Variants in EHBP1 observed in about 807,000 individuals in gnomAD.
EHBP1 encodes the protein EH domain-binding protein 1.
A neutral mutation model predicts 144.0 loss-of-function variants in EHBP1; 55 were observed. The ratio of observed to expected loss-of-function variants is 0.38; its 90% CI spans 0.31 to 0.48. The LOEUF (loss-of-function observed/expected upper bound fraction) is 0.48. EHBP1 is among the 20% of genes least tolerant of loss of function. The probability of loss-of-function intolerance (pLI) is 0.98; values close to 1 mark genes in which losing one functional copy is unlikely to be tolerated. For synonymous variants in EHBP1, 469 were observed against 472.7 expected (o/e 0.99, Z 0.10); for missense variants, 1,200 against 1,364.2 (o/e 0.88, Z 1.90).
intron 2 of EHBP1, among the ~76,000 whole-genome samples, chr2:62,714,670 A>G (rs770831467): frequency 3.9e-5 from 6 of 152,184 alleles, no homozygotes; most frequent in African/African-American, 7.2e-5. Context: ...CATTGTTGTT[A>G]TTATTTTTTA....
intron 13 of EHBP1, among the ~76,000 whole-genome samples, chr2:62,950,575 G>A (rs1378129620): frequency 2.6e-5 from 4 of 152,194 alleles, no homozygotes; most frequent in Admixed American, 6.5e-5. Flanking sequence ...TATCAAAAAT[G>A]ACAAATATCA....
upstream of EHBP1, among the ~76,000 whole-genome samples, chr2:62,705,500 T>A (rs527355505): frequency 3.5e-3 from 524 of 151,778 alleles, 3 homozygotes; most frequent in East Asian, 0.021. Flanking sequence ...CTTTTTTTTT[T>A]TAAAAAAAAG....
intron 5 of EHBP1, among the ~76,000 whole-genome samples, chr2:62,817,602 C>T (rs1344646567): frequency 1.3e-5 from 2 of 152,150 alleles, no homozygotes; most frequent in Non-Finnish European, 2.9e-5. Flanking sequence ...GGAATGAGAT[C>T]ATCTGGCTTT....
intron 2 of EHBP1, among the ~76,000 whole-genome samples, chr2:62,728,606 G>A (rs1176603049): frequency 1.3e-5 from 2 of 151,484 alleles, no homozygotes; most frequent in East Asian, 3.9e-4. Flanking sequence ...TCCTTTTAGT[G>A]TTGTAAGAAT....
chr2:62,740,665 C>CT (rs976423075), intron 2 of EHBP1, among the ~76,000 whole-genome samples: 1 of 152,016 alleles, frequency 6.6e-6, no homozygotes, highest in Non-Finnish European at 1.5e-5. Flanking sequence ...GTTTTGAGCT[C>CT]TTTTTTTCTT....
chr2:62,909,307 C>T (rs772452719), intron 10 of EHBP1, among the ~76,000 whole-genome samples: 2 of 152,016 alleles, frequency 1.3e-5, no homozygotes, highest in Admixed American at 6.6e-5. Flanking sequence ...CTCAGCCTCC[C>T]GAGTAGCTGG....
intron 10 of EHBP1, among the ~76,000 whole-genome samples, chr2:62,887,657 T>A (rs1490357240): frequency 2.6e-5 from 4 of 151,968 alleles, no homozygotes; most frequent in Admixed American, 6.5e-5. Flanking sequence ...GGAGGATTGC[T>A]TGAGCCCAGG....
At chr2:62,823,734 G>A (rs919148097) in intron 5 of EHBP1, among the ~76,000 whole-genome samples, 4 of 152,024 alleles carry the variant, frequency 2.6e-5, no homozygotes, top group African/African-American at 7.2e-5. Context: ...ATTTTAAGGA[G>A]AGAACAATGT....
chr2:62,810,922 G>A (rs1207257343), intron 5 of EHBP1, among the ~76,000 whole-genome samples: 3 of 152,164 alleles, frequency 2.0e-5, no homozygotes, highest in Admixed American at 1.3e-4. Context: ...TAGTCAACTG[G>A]AGGTTAGGGT....
intron 5 of EHBP1, among the ~76,000 whole-genome samples, chr2:62,786,375 A>G (rs1327437966): frequency 1.3e-5 from 2 of 152,154 alleles, no homozygotes; most frequent in African/African-American, 4.8e-5. Context: ...TGTAAGTTGC[A>G]TCACCTTCTT....
intron 9 of EHBP1, among the ~76,000 whole-genome samples, chr2:62,873,190 A>C (rs2050622638): frequency 6.6e-6 from 1 of 152,216 alleles, no homozygotes; most frequent in South Asian, 2.1e-4. Flanking sequence ...TAAGAGAAAG[A>C]GTCAGGAGAC....
chr2:62,754,734 C>T (rs4671450), intron 3 of EHBP1, among the ~76,000 whole-genome samples: 3 of 152,002 alleles, frequency 2.0e-5, no homozygotes, highest in African/African-American at 7.3e-5. Flanking sequence ...GTTCAATCTC[C>T]GACTGCTGTA....
intron 10 of EHBP1, among the ~76,000 whole-genome samples, chr2:62,908,067 A>G (rs2053937969): frequency 6.6e-6 from 1 of 152,206 alleles, no homozygotes; most frequent in Non-Finnish European, 1.5e-5. Context: ...AATTTAACCA[A>G]TGAAGCCATG....
At chr2:62,857,413 G>A (rs1573743055) in intron 7 of EHBP1, among the ~76,000 whole-genome samples, 1 of 152,266 alleles carries the variant, frequency 6.6e-6, no homozygotes, top group East Asian at 1.9e-4. Context: ...TACATGAATA[G>A]TTGCAGGCAG....
chr2:62,837,182 A>G (rs940493913), intron 7 of EHBP1, among the ~76,000 whole-genome samples: 1 of 148,560 alleles, frequency 6.7e-6, no homozygotes. Context: ...GGGGGCCAAT[A>G]TTCAATATTC....
At chr2:62,830,492 A>G (rs963306759) in intron 6 of EHBP1, among the ~76,000 whole-genome samples, 47 of 151,880 alleles carry the variant, frequency 3.1e-4, no homozygotes, top group African/African-American at 1.0e-3. Flanking sequence ...TGATGGGACT[A>G]TTTCATTTTT....
intron 7 of EHBP1, among the ~76,000 whole-genome samples, chr2:62,841,337 T>G: frequency 5.8e-5 from 5 of 86,856 alleles, no homozygotes; most frequent in South Asian, 4.2e-4. Flanking sequence ...CTGGGGACTG[T>G]GGTGGGGTGG....
At chr2:62,867,762 G>A (rs2050156603) in intron 9 of EHBP1, among the ~76,000 whole-genome samples, 1 of 152,062 alleles carries the variant, frequency 6.6e-6, no homozygotes, top group Admixed American at 6.5e-5. Context: ...AAACAACTTT[G>A]AAAAAGAGCA....
In EHBP1 at chr2:62,955,661, G is replaced by T; in HGVS notation, c.2460+1G>T. 6.2e-7 allele frequency: 1 copy of T among 1,607,022 alleles called. No individual in the cohort carries two copies. Among genetic ancestry groups the T allele is most frequent in the Non-Finnish European group, 8.5e-7 (1 of 1,177,096 alleles). On this transcript the variant is annotated splice_donor_variant, in intron 14 of 22. Transcript: ENST00000431489. LOFTEE classifies it high-confidence loss of function. ...ATTCTGCAACAGGCAGCTAAGTGAT[G>T]TGAGGAGCATTGGTTAAAAAAGACC...
Sources: gnomAD v4.1 joint callset for allele counts (sites outside exome capture counted in the v4.1 genomes callset) on GRCh38, gnomAD v4.1.1 for gene constraint, MANE v1.5 for transcripts, NCBI Gene and HGNC (gene_info 2026-07-23, HGNC 2026-07-21) for gene names.